The following PCDH15 variants were observed in gnomAD, a reference collection of about 807,000 sequenced individuals.
PCDH15 encodes the protein protocadherin-15.
A neutral mutation model predicts 178.5 loss-of-function variants in PCDH15; 129 were observed. The observed-to-expected ratio is 0.72, with a 90% CI of 0.63 to 0.84. The LOEUF is 0.84. Among genes scored for constraint, PCDH15 ranks in the 40% least tolerant of loss-of-function variants. The probability of loss-of-function intolerance (pLI) is 0.00; values close to 1 mark genes in which losing one functional copy is unlikely to be tolerated. For missense variants in PCDH15, 2,230 were observed against 2,099.9 expected, an observed-to-expected ratio of 1.06 and a Z score of -1.21; for synonymous variants, 800 against 732.0, an observed-to-expected ratio of 1.09 and a Z score of -1.50.
intron 3 of PCDH15, among the ~76,000 whole-genome samples, chr10:54,473,856 G>A (rs371713481): frequency 3.2e-4 from 48 of 151,714 alleles, no homozygotes; most frequent in African/African-American, 1.1e-3. Context: ...TATACATGAA[G>A]GTGATTATTC....
intron 8 of PCDH15, among the ~76,000 whole-genome samples, chr10:54,288,530 C>T (rs1226195932): frequency 1.3e-5 from 2 of 152,086 alleles, no homozygotes; most frequent in East Asian, 1.9e-4. Flanking sequence ...GGGTGCAGCC[C>T]ACGGAGGGCG....
intron 3 of PCDH15, among the ~76,000 whole-genome samples, chr10:54,401,681 T>A (rs1160699382): frequency 6.6e-6 from 1 of 151,908 alleles, no homozygotes; most frequent in Non-Finnish European, 1.5e-5. Context: ...CTCAGTAGCT[T>A]AAGGATGCTA....
chr10:55,077,377 C>T (rs1841922455), intron 2 of PCDH15, among the ~76,000 whole-genome samples: 1 of 149,602 alleles, frequency 6.7e-6, no homozygotes, highest in African/African-American at 2.5e-5. Context: ...TTTTTTGTCC[C>T]TATGGTTTGG....
chr10:54,617,719 C>A (rs183035642), intron 2 of PCDH15, among the ~76,000 whole-genome samples: 35 of 147,502 alleles, frequency 2.4e-4, no homozygotes, highest in Admixed American at 2.3e-3. Flanking sequence ...TCAAGACCAA[C>A]CTGGCCAAGA....
chr10:54,814,161 G>C, intron 3 of PCDH15, among the ~76,000 whole-genome samples: 1 of 152,248 alleles, frequency 6.6e-6, no homozygotes, highest in East Asian at 1.9e-4. Context: ...CCATAACATT[G>C]TGTAATTTGT....
chr10:55,206,017 C>A (rs142303870), intron 1 of PCDH15, among the ~76,000 whole-genome samples: 2 of 151,848 alleles, frequency 1.3e-5, no homozygotes. Context: ...AAAGACCCAC[C>A]CCCAAGATTC....
intron 2 of PCDH15, among the ~76,000 whole-genome samples, chr10:54,564,592 T>C (rs576892498): frequency 6.6e-6 from 1 of 152,252 alleles, no homozygotes; most frequent in African/African-American, 2.4e-5. Context: ...ATATAAATGA[T>C]GTGACTCCTG....
chr10:55,408,386 A>G (rs1299425452), intron 2 of PCDH15, among the ~76,000 whole-genome samples: 9 of 151,928 alleles, frequency 5.9e-5, no homozygotes, highest in South Asian at 2.1e-4. Context: ...GGGATTCACC[A>G]TATTGTCCAG....
At chr10:55,516,128 T>C (rs1451610879) in intron 2 of PCDH15, among the ~76,000 whole-genome samples, 1 of 152,106 alleles carries the variant, frequency 6.6e-6, no homozygotes, top group East Asian at 1.9e-4. Flanking sequence ...CATCTTGAAT[T>C]GTAGCTGCCA....
intron 18 of PCDH15, among the ~76,000 whole-genome samples, chr10:54,058,376 G>A (rs1351141272): frequency 2.0e-5 from 3 of 152,148 alleles, no homozygotes; most frequent in Admixed American, 1.3e-4. Context: ...ATGGCAGAAG[G>A]CAAATGAGGA....
intron 32 of PCDH15, 49 bp from the exon 33 acceptor site, chr10:53,820,279 A>T (rs539553067): frequency 2.0e-4 from 80 of 397,130 alleles, no homozygotes; most frequent in African/African-American, 1.6e-3. Flanking sequence ...CAAGAACCCC[A>T]AGAAAGTAAT....
intron 3 of PCDH15, among the ~76,000 whole-genome samples, chr10:54,429,017 A>G (rs1437791663): frequency 6.6e-6 from 1 of 152,184 alleles, no homozygotes; most frequent in Non-Finnish European, 1.5e-5. Context: ...GCACACAGAA[A>G]AACACTGAAC....
intron 21 of PCDH15, among the ~76,000 whole-genome samples, chr10:53,973,618 G>A (rs766855331): frequency 3.9e-5 from 6 of 151,916 alleles, no homozygotes; most frequent in South Asian, 2.1e-4. Context: ...TTTTGGTTCC[G>A]TACTCTCATC....
At chr10:54,697,292 G>T (rs1591118014) in intron 1 of PCDH15, among the ~76,000 whole-genome samples, 2 of 151,736 alleles carry the variant, frequency 1.3e-5, no homozygotes, top group Admixed American at 1.3e-4. Context: ...TCTCAAAGTA[G>T]CATACTATAT....
intron 2 of PCDH15, among the ~76,000 whole-genome samples, chr10:55,468,080 G>A (rs1839876410): frequency 2.0e-5 from 3 of 151,734 alleles, no homozygotes; most frequent in African/African-American, 7.3e-5. Context: ...GAATAAATGT[G>A]GATATTTGTG....
At chr10:55,403,696 C>G (rs1838128903) in intron 2 of PCDH15, among the ~76,000 whole-genome samples, 1 of 151,892 alleles carries the variant, frequency 6.6e-6, no homozygotes, top group South Asian at 2.1e-4. Context: ...GTTTTTATAG[C>G]AATACCTTGC....
chr10:55,024,413 A>T (rs964060270), intron 2 of PCDH15, among the ~76,000 whole-genome samples: 1 of 147,452 alleles, frequency 6.8e-6, no homozygotes, highest in Admixed American at 6.9e-5. Context: ...GATTTCATAT[A>T]TATATAGAAA....
Position 54,159,953 on chromosome 10 carries a change from T to C in PCDH15, c.1591-6660A>G, listed in dbSNP as rs2045545391. On this transcript the variant is annotated intron_variant, in intron 13 of 37. Coordinates refer to ENST00000644397, the MANE Select transcript of PCDH15 (RefSeq NM_001384140.1). ...GAGCAACCTCAGCATACAATTTTTT[T>C]CATTATTAAGATGAGAACTTTCACA... Among the ~76,000 whole-genome samples, 3 of 152,340 alleles carry C rather than the reference T, an allele frequency of 2.0e-5. No homozygotes were observed. The South Asian group carries it at 6.2e-4, about 32-fold the overall frequency.
intron 2 of PCDH15, among the ~76,000 whole-genome samples, chr10:55,571,194 T>G (rs968447250): frequency 6.6e-6 from 1 of 152,026 alleles, no homozygotes. Flanking sequence ...TCTTGCTCTC[T>G]CTTTTGCCAT....
Sources: allele counts gnomAD v4.1 joint callset (sites outside exome capture counted in the v4.1 genomes callset), GRCh38; gene constraint gnomAD v4.1.1; transcripts MANE v1.5; gene names NCBI Gene and HGNC (gene_info 2026-07-23, HGNC 2026-07-21).